MECR: variants seen among roughly 807,000 people sequenced by gnomAD.
MECR encodes the protein enoyl-[acyl-carrier-protein] reductase, mitochondrial.
MECR carries 37 observed loss-of-function variants against 49.1 expected under a neutral mutation model. The ratio of observed to expected loss-of-function variants is 0.75; its 90% CI spans 0.58 to 0.99. MECR has a LOEUF of 0.99. Among genes scored for constraint, MECR ranks in the 50% least tolerant of loss-of-function variants. The pLI is 0.00. For synonymous variants in MECR, 198 were observed against 191.1 expected (o/e 1.04, Z -0.30); for missense variants, 470 against 479.6 (o/e 0.98, Z 0.19).
chr1:29,189,615 C>T (rs973800512), downstream of MECR, among the ~76,000 whole-genome samples: 13 of 152,172 alleles, frequency 8.5e-5, no homozygotes, highest in Non-Finnish European at 1.6e-4. Context: ...CAATGTTGGC[C>T]TCTGAAATGT....
At chr1:29,169,470 T>C in the MECR span, 1 of 152,210 alleles carries the variant, frequency 6.6e-6, no homozygotes, top group Admixed American at 6.5e-5. Context: ...GAAAACACCA[T>C]TTCTGCATGT....
intron 1 of MECR, among the ~76,000 whole-genome samples, chr1:29,227,914 T>C (rs1168981662): frequency 2.0e-5 from 3 of 152,146 alleles, no homozygotes; most frequent in Non-Finnish European, 4.4e-5. Context: ...ACGGAGAGAA[T>C]TACTGCTTGT....
At chr1:29,189,459 C>T (rs144527484), downstream of MECR, among the ~76,000 whole-genome samples, 33 of 150,930 alleles carry the variant, frequency 2.2e-4, no homozygotes, top group East Asian at 5.5e-3. Flanking sequence ...GTGATCTGCC[C>T]GCCTCAGCCT....
chr1:29,174,156 T>C, the MECR span, among the ~76,000 whole-genome samples: 2 of 148,656 alleles, frequency 1.3e-5, no homozygotes, highest in Non-Finnish European at 3.0e-5. Context: ...GCCACTGCAC[T>C]GCACTGCAGC....
the MECR span, among the ~76,000 whole-genome samples, chr1:29,174,387 G>T: frequency 6.6e-6 from 1 of 152,084 alleles, no homozygotes; most frequent in Non-Finnish European, 1.5e-5. Context: ...TCATATAAAG[G>T]ATATTCAACA....
At chr1:29,184,279 A>G in the MECR span, among the ~76,000 whole-genome samples, 1 of 133,524 alleles carries the variant, frequency 7.5e-6, no homozygotes, top group South Asian at 2.4e-4. Flanking sequence ...GGTTCAAGCA[A>G]TTCTCCTGCC....
chr1:29,176,302 T>G, the MECR span, among the ~76,000 whole-genome samples: 1 of 152,014 alleles, frequency 6.6e-6, no homozygotes, highest in African/African-American at 2.4e-5. Flanking sequence ...GTGGTAGGGT[T>G]CCTAAAGGCA....
intron 1 of MECR, among the ~76,000 whole-genome samples, chr1:29,219,274 C>G (rs1680201202): frequency 6.6e-6 from 1 of 152,222 alleles, no homozygotes; most frequent in South Asian, 2.1e-4. Context: ...ATCCACAGTG[C>G]TTCTCTCCTG....
chr1:29,177,901 T>C, the MECR span, among the ~76,000 whole-genome samples: 1 of 146,054 alleles, frequency 6.8e-6, no homozygotes, highest in Admixed American at 6.8e-5. Flanking sequence ...AGATTTTTTT[T>C]TTTTTTTTTT....
At position 29,193,978 on chromosome 1, in the gene MECR, A is replaced by G. The variant is rs765327992; in HGVS notation, c.*44T>C. 1.2e-6 allele frequency: 2 copies of G among 1,611,360 alleles called. No homozygotes were observed. The highest frequency in any genetic ancestry group is 2.2e-5 in the South Asian group (2 of 90,972). On this transcript the variant is annotated 3_prime_UTR_variant, in exon 10 of 10. Transcript: ENST00000263702. ...CTGAGGGGCCTGCACCCAGCCCCTC[A>G]GATCCGCCTCCCCTCCCATGTCACT... is the stretch of plus-strand genomic sequence containing the variant.
downstream of MECR, among the ~76,000 whole-genome samples, chr1:29,188,230 C>G (rs867419092): frequency 6.6e-6 from 1 of 151,418 alleles, no homozygotes; most frequent in Non-Finnish European, 1.5e-5. Flanking sequence ...CACTCTGTTG[C>G]CCAGGCTGGA....
At chr1:29,172,863 CA>C in the MECR span, 2 of 149,362 alleles carry the variant, frequency 1.3e-5, no homozygotes, top group African/African-American at 2.5e-5. Context: ...ATTAGGAGAC[CA>C]AAAAAAAGGT....
rs1171582595 is a variant in MECR at position 29,206,862 on chromosome 1, G to GA, written c.449dup (p.Gln151ProfsTer5). The GA allele has an allele frequency of 6.2e-7, 1 of 1,614,160 alleles. No homozygotes were observed. The highest frequency in any genetic ancestry group is 1.7e-5 in the Admixed American group (1 of 60,012). On this transcript the variant is annotated frameshift_variant, in exon 4 of 10. Coordinates refer to ENST00000263702, the MANE Select transcript of MECR (RefSeq NM_016011.5). LOFTEE classifies it high-confidence loss of function. ...GAAGAGGGATGTCACTCGGAACTTG[G>GA]ATCAGTGCTTCCTCGCTGAACACAG...
At chr1:29,217,296 G>A (rs1415238054) in intron 1 of MECR, among the ~76,000 whole-genome samples, 1 of 144,448 alleles carries the variant, frequency 6.9e-6, no homozygotes, top group Non-Finnish European at 1.5e-5. Flanking sequence ...TAAAAGCTCC[G>A]CCTCCCAGGT....
chr1:29,201,447 C>T lies in MECR; in HGVS notation c.756+496G>A, dbSNP rs566615428. 420 of 525,314 alleles carry T rather than the reference C, an allele frequency of 8.0e-4. 6 individuals carry two copies. The highest frequency in any genetic ancestry group is 5.2e-3 in the South Asian group (367 of 70,024). 32.5% of individuals were successfully genotyped at this position (525,314 alleles called of 1,614,324 possible). ...TCGGAGAGACTGAGGCCAGCTCTGA[C>T]TCTCTGGAGCCCTTATAAACTATAT... On this transcript the variant is annotated intron_variant, in intron 6 of 9. Transcript: ENST00000263702. The surrounding 1 kb of genome is among the most constrained non-coding windows in gnomAD (Gnocchi z 4.3).
Position 29,230,775 on chromosome 1 carries a change from C to A in MECR, c.132G>T (p.Arg44=), listed in dbSNP as rs1335393271. ...YSASAEPARV[R]ALVYGHHGDP... is the part of the protein sequence containing the mutation. The stretch of plus-strand genomic sequence containing the variant: ...CCCCGTGGTGCCCATAGACAAGCGC[C>A]CGGACCCGGGCAGGCTCGGCGGATG... The change falls in exon 1 of 10, where the codon CGG becomes CGT. Residue 44 remains arginine (R), a synonymous_variant. Coordinates refer to ENST00000263702, the MANE Select transcript of MECR (RefSeq NM_016011.5). 1 of 1,601,060 alleles carries A rather than the reference C, an allele frequency of 6.2e-7. No homozygotes were observed. Among genetic ancestry groups the A allele is most frequent in the South Asian group, 1.1e-5 (1 of 89,410 alleles).
At chr1:29,212,647 C>G (rs1203444512) in intron 3 of MECR, among the ~76,000 whole-genome samples, 1 of 152,252 alleles carries the variant, frequency 6.6e-6, no homozygotes, top group African/African-American at 2.4e-5. Context: ...ACTTCATCAT[C>G]TGAAGCCTGA....
intron 7 of MECR, among the ~76,000 whole-genome samples, chr1:29,199,102 G>A (rs571048453): frequency 2.6e-5 from 4 of 152,330 alleles, no homozygotes; most frequent in South Asian, 2.1e-4. Flanking sequence ...CATCAGTGTC[G>A]CAGCCCTCTC....
the MECR span, among the ~76,000 whole-genome samples, chr1:29,173,689 T>C: frequency 6.7e-6 from 1 of 148,802 alleles, no homozygotes; most frequent in Non-Finnish European, 1.5e-5. Flanking sequence ...CCTCAAGTGA[T>C]CCGCCCACCT....
Sources: gnomAD v4.1 joint callset for allele counts (sites outside exome capture counted in the v4.1 genomes callset) on GRCh38, gnomAD v4.1.1 for gene constraint, Gnocchi (gnomAD v3.1) non-coding constraint, MANE v1.5 for transcripts, NCBI Gene and HGNC (gene_info 2026-07-23, HGNC 2026-07-21) for gene names.